KNDC1: variants seen among roughly 807,000 people sequenced by gnomAD.
The protein encoded by KNDC1 is kinase non-catalytic C-lobe domain containing 1, also known as kinase non-catalytic C-lobe domain-containing protein 1.
A neutral mutation model predicts 172.8 loss-of-function variants in KNDC1; 106 were observed. The observed-to-expected ratio is 0.61, with a 90% CI of 0.52 to 0.72. The LOEUF is 0.72. Ranked by LOEUF, KNDC1 falls within the 30% of genes least tolerant of loss-of-function variation. KNDC1 has a pLI of 0.00. For missense variants in KNDC1, 2,325 were observed against 2,394.5 expected, an observed-to-expected ratio of 0.97 and a Z score of 0.61; for synonymous variants, 1,083 against 1,062.2, an observed-to-expected ratio of 1.02 and a Z score of -0.38.
intron 1 of KNDC1, among the ~76,000 whole-genome samples, chr10:133,161,016 C>G (rs1852949870): frequency 6.6e-6 from 1 of 152,148 alleles, no homozygotes; most frequent in African/African-American, 2.4e-5. Flanking sequence ...GACTGCCCCC[C>G]GAGACTGAGA....
intron 20 of KNDC1, among the ~76,000 whole-genome samples, chr10:133,208,565 C>T (rs1429147075): frequency 9.7e-6 from 1 of 102,680 alleles, no homozygotes; most frequent in Non-Finnish European, 2.1e-5. Context: ...CAAGGACCCT[C>T]TAGAGAGGGA....
At chr10:133,181,085 A>G (rs1281682692) in intron 3 of KNDC1, among the ~76,000 whole-genome samples, 1 of 152,108 alleles carries the variant, frequency 6.6e-6, no homozygotes, top group Non-Finnish European at 1.5e-5. Flanking sequence ...CACATGGGGC[A>G]CCCACTGACG....
At chr10:133,173,602 G>T (rs565637206) in intron 3 of KNDC1, among the ~76,000 whole-genome samples, 11 of 152,270 alleles carry the variant, frequency 7.2e-5, no homozygotes, top group African/African-American at 2.6e-4. Flanking sequence ...GCAGAAAAAT[G>T]CAGATATCAC....
At chr10:133,174,464 A>G (rs1375567330) in intron 3 of KNDC1, among the ~76,000 whole-genome samples, 1 of 152,214 alleles carries the variant, frequency 6.6e-6, no homozygotes, top group Non-Finnish European at 1.5e-5. Context: ...GGTTGCTGAT[A>G]CCACCGGGTG....
At position 133,171,054 on chromosome 10, in the gene KNDC1, G is replaced by C. The variant is rs538145586; in HGVS notation, c.360+2742G>C. ...GTTTTAATGCTTCTTCTACTGTTAGGGTCTAACCTTCACAAGAAACCTTTC... is the reference window on the plus strand; with the variant it reads ...GTTTTAATGCTTCTTCTACTGTTAGCGTCTAACCTTCACAAGAAACCTTTC... On this transcript the variant is annotated intron_variant, in intron 3 of 29. Coordinates refer to ENST00000304613, the MANE Select transcript of KNDC1 (RefSeq NM_152643.8). 3.9e-5 allele frequency among the ~76,000 whole-genome samples: 6 copies of C among 152,284 alleles called. No individual in the cohort carries two copies. The South Asian group carries it at 1.0e-3, about 26-fold the overall frequency.
intron 3 of KNDC1, among the ~76,000 whole-genome samples, chr10:133,183,122 G>A (rs981969160): frequency 6.0e-5 from 9 of 149,530 alleles, no homozygotes; most frequent in Non-Finnish European, 1.3e-4. Context: ...CGGCAAAAGT[G>A]TGGGCGGTAT....
At chr10:133,166,262 C>T (rs1212163785) in intron 1 of KNDC1, among the ~76,000 whole-genome samples, 1 of 152,214 alleles carries the variant, frequency 6.6e-6, no homozygotes, top group Non-Finnish European at 1.5e-5. Flanking sequence ...TCCTCACGGG[C>T]CCCACCCATA....
intron 5 of KNDC1, 123 bp downstream of exon 5, chr10:133,184,112 GCACACACACCCATGCACACACATGC>G (rs1179020166): frequency 2.6e-5 from 13 of 507,306 alleles, no homozygotes; most frequent in East Asian, 3.2e-5. Flanking sequence ...CACCCATACT[GCACACACACCCATGCACACACATGC>G]CACACACACC....
chr10:133,216,754 A>G (rs1453363507), intron 26 of KNDC1, among the ~76,000 whole-genome samples: 6 of 152,254 alleles, frequency 3.9e-5, no homozygotes, highest in Admixed American at 6.5e-5. Context: ...AATATGGAAC[A>G]CCATAGCCAA....
At chr10:133,170,162 G>A (rs1853329361) in intron 3 of KNDC1, among the ~76,000 whole-genome samples, 1 of 152,256 alleles carries the variant, frequency 6.6e-6, no homozygotes, top group African/African-American at 2.4e-5. Flanking sequence ...ACTGAGGGGT[G>A]CGCAGGTGTT....
In KNDC1 at chr10:133,172,329, A is replaced by G. The variant is rs113576758; in HGVS notation, c.360+4017A>G. On this transcript the variant is annotated intron_variant, in intron 3 of 29. Transcript: ENST00000304613. ...AGATGTTTCTTCTGCATCCTTTGAC[A>G]TGATCCTTTAATTTTTTCTTAAGAT... is the stretch of plus-strand genomic sequence containing the variant. Among the ~76,000 whole-genome samples, 67 of 152,294 alleles carry G rather than the reference A, an allele frequency of 4.4e-4. 1 individual carries two copies. The highest frequency in any genetic ancestry group is 1.4e-3 in the African/African-American group (60 of 41,566).
chr10:133,183,401 C>T lies in KNDC1; in HGVS notation c.418C>T (p.Pro140Ser), dbSNP rs765862732. ...GGCCGCCCTCGAGTACGTGGCAGAG[C>T]CCACACTGGAACCCAGGCTGAGCCA... Reference protein sequence around the residue: ...LKAALEYVAEPTLEPRLSQDL... With the variant: ...LKAALEYVAESTLEPRLSQDL... The change falls in exon 4 of 30, where the codon CCC becomes TCC. Residue 140 changes from proline (P) to serine (S), a missense_variant. Coordinates refer to ENST00000304613, the MANE Select transcript of KNDC1 (RefSeq NM_152643.8). The T allele has an allele frequency of 6.2e-7, 1 of 1,602,008 alleles. No homozygotes were observed. The highest frequency in any genetic ancestry group is 1.1e-5 in the South Asian group (1 of 88,836).
chr10:133,199,151 C>T lies in KNDC1; in HGVS notation c.2643C>T (p.Ala881=). 9 of 1,593,580 alleles carry T rather than the reference C, an allele frequency of 5.6e-6. No individual in the cohort carries two copies. Among genetic ancestry groups the T allele is most frequent in the Non-Finnish European group, 7.7e-6 (9 of 1,171,974 alleles). ...DRRLCLPCVD[A]SPLPGRTACP... ...GGCTCTGTCTGCCCTGCGTGGATGC[C>T]TCGCCACTCCCAGGGAGGACGGCCT... Residue 881 remains alanine, a synonymous_variant, in exon 14 of 30, where the codon GCC becomes GCT. Coordinates refer to ENST00000304613, the MANE Select transcript of KNDC1 (RefSeq NM_152643.8).
chr10:133,178,357 C>T (rs965005701), intron 3 of KNDC1, among the ~76,000 whole-genome samples: 2 of 152,110 alleles, frequency 1.3e-5, no homozygotes, highest in Non-Finnish European at 2.9e-5. Flanking sequence ...TTTTAATGTT[C>T]ATGACAAAAC....
chr10:133,178,229 C>T (rs185179220), intron 3 of KNDC1, among the ~76,000 whole-genome samples: 7 of 151,962 alleles, frequency 4.6e-5, no homozygotes, highest in East Asian at 1.9e-4. Flanking sequence ...TGTGTGCATG[C>T]ATGTAGCGTG....
At chr10:133,217,989 G>C (rs1469315367) in intron 26 of KNDC1, among the ~76,000 whole-genome samples, 1 of 151,546 alleles carries the variant, frequency 6.6e-6, no homozygotes, top group East Asian at 1.9e-4. Context: ...GAACCCGGGA[G>C]GTGGAGGCTG....
At chr10:133,211,216 C>T (rs2136020813) in intron 21 of KNDC1, among the ~76,000 whole-genome samples, 1 of 151,372 alleles carries the variant, frequency 6.6e-6, no homozygotes, top group Admixed American at 6.6e-5. Context: ...CCCCCTTGCC[C>T]CCACACGCCC....
intron 7 of KNDC1, among the ~76,000 whole-genome samples, chr10:133,189,389 G>A (rs1207982373): frequency 2.0e-5 from 3 of 152,310 alleles, no homozygotes; most frequent in South Asian, 2.1e-4. Context: ...CTGGGGCAGC[G>A]CTACCCTCGG....
In KNDC1 at chr10:133,163,502, T is replaced by C. The variant is rs1325258428; in HGVS notation, c.102+2933T>C. Among the ~76,000 whole-genome samples, 2 of 151,972 alleles carry C rather than the reference T, an allele frequency of 1.3e-5. No individual in the cohort carries two copies. Among genetic ancestry groups the C allele is most frequent in the Non-Finnish European group, 2.9e-5 (2 of 67,976 alleles). ...AGGCACCTCGGGAGCAGAGGTGGTT[T>C]TGTGGTGGGGGCCTGGCAGTGTGAA... On this transcript the variant is annotated intron_variant, in intron 1 of 29. Coordinates refer to ENST00000304613, the MANE Select transcript of KNDC1 (RefSeq NM_152643.8). This position sits in a 1 kb window ranked among gnomAD's most constrained non-coding sequence, Gnocchi z 4.4.
Sources: gnomAD v4.1 joint callset for allele counts (sites outside exome capture counted in the v4.1 genomes callset) on GRCh38, gnomAD v4.1.1 for gene constraint, Gnocchi (gnomAD v3.1) non-coding constraint, MANE v1.5 for transcripts, NCBI Gene and HGNC (gene_info 2026-07-23, HGNC 2026-07-21) for gene names.